Variants in DLGAP4 observed in about 807,000 individuals in gnomAD.
DLGAP4 encodes the protein disks large-associated protein 4.
Under a neutral mutation model 86.9 loss-of-function variants are expected in DLGAP4, and 18 were observed. The observed-to-expected ratio is 0.21, with a 90% CI of 0.14 to 0.31. The LOEUF (loss-of-function observed/expected upper bound fraction) is 0.31, where lower values mean the gene tolerates loss of function less well. DLGAP4 is among the 10% of genes least tolerant of loss of function. The probability of loss-of-function intolerance (pLI) is 1.00; values close to 1 mark genes in which losing one functional copy is unlikely to be tolerated. For missense variants in DLGAP4, 1,085 were observed against 1,362.6 expected (o/e 0.80, Z 3.21); for synonymous variants, 548 against 574.3 (o/e 0.95, Z 0.65).
chr20:36,480,829 G>T (rs749890030), intron 7 of DLGAP4, among the ~76,000 whole-genome samples: 3 of 152,102 alleles, frequency 2.0e-5, no homozygotes, highest in Admixed American at 6.6e-5. Flanking sequence ...AACATAGTGA[G>T]ACCTCATCTC....
intron 1 of DLGAP4, among the ~76,000 whole-genome samples, chr20:36,361,978 CAAAAAAAAA>C (rs545997891): frequency 2.1e-5 from 1 of 48,420 alleles, no homozygotes; most frequent in Non-Finnish European, 4.2e-5. Flanking sequence ...GATTCTGTCT[CAAAAAAAAA>C]AAAAAAAAAA....
At chr20:36,469,108 G>A (rs1005191502) in intron 7 of DLGAP4, among the ~76,000 whole-genome samples, 6 of 152,184 alleles carry the variant, frequency 3.9e-5, no homozygotes, top group African/African-American at 1.4e-4. Flanking sequence ...GAGGTTCACT[G>A]GTAGAAAGAG....
intron 2 of DLGAP4, among the ~76,000 whole-genome samples, chr20:36,400,735 G>A (rs868129993): frequency 6.6e-6 from 1 of 151,486 alleles, no homozygotes. Flanking sequence ...TATACTTTAG[G>A]AAGATCTTTC....
intron 1 of DLGAP4, among the ~76,000 whole-genome samples, chr20:36,360,462 C>A (rs2030479374): frequency 6.6e-6 from 1 of 152,216 alleles, no homozygotes; most frequent in Admixed American, 6.5e-5. Flanking sequence ...CCTCCAGCCT[C>A]TGCAGACTCC....
chr20:36,401,364 G>A (rs888523367), intron 2 of DLGAP4, among the ~76,000 whole-genome samples: 5 of 152,178 alleles, frequency 3.3e-5, no homozygotes, highest in Admixed American at 2.0e-4. Flanking sequence ...CCTCCCTGGC[G>A]GGTCCAGACA....
rs1344047058 is a variant in DLGAP4, at chr20:36,445,460, C to T, written c.1408-1237C>T. ...CGGAGGTTGCAGTGAGCCGAGATCG[C>T]GCCACTGCACTTCAGCCTGGGAGAC... On this transcript the variant is annotated intron_variant, in intron 6 of 12. Transcript: ENST00000339266. Among the ~76,000 whole-genome samples the T allele has an allele frequency of 7.9e-5, 12 of 152,114 alleles. No individual in the cohort carries two copies. The East Asian group carries it at 1.4e-3, about 17-fold the overall frequency.
intron 5 of DLGAP4, among the ~76,000 whole-genome samples, chr20:36,441,338 G>A (rs6095200): frequency 0.051 from 7,821 of 152,098 alleles, 698 homozygotes; most frequent in African/African-American, 0.18. Context: ...CTCTTCCAGG[G>A]GCTCTCTTCT....
chr20:36,470,527 C>T, intron 7 of DLGAP4, among the ~76,000 whole-genome samples: 1 of 148,992 alleles, frequency 6.7e-6, no homozygotes, highest in Non-Finnish European at 1.5e-5. Context: ...TATATTTTTA[C>T]TGAAAAAGCA....
chr20:36,522,734 T>A (rs1223055477), intron 10 of DLGAP4, among the ~76,000 whole-genome samples: 1 of 152,164 alleles, frequency 6.6e-6, no homozygotes, highest in Non-Finnish European at 1.5e-5. Context: ...GCCAGACTGG[T>A]CTCGAATTCC....
At chr20:36,464,762 A>G (rs1278707031) in intron 7 of DLGAP4, among the ~76,000 whole-genome samples, 2 of 152,178 alleles carry the variant, frequency 1.3e-5, no homozygotes, top group African/African-American at 4.8e-5. Flanking sequence ...ACGCAGGAGA[A>G]TCATTTGAAC....
At chr20:36,412,256 C>T (rs2032520625) in intron 2 of DLGAP4, among the ~76,000 whole-genome samples, 1 of 152,256 alleles carries the variant, frequency 6.6e-6, no homozygotes, top group African/African-American at 2.4e-5. Context: ...AGGTGGCCTC[C>T]AGAATCCGCC....
At chr20:36,433,714 C>G (rs941735463) in intron 3 of DLGAP4, among the ~76,000 whole-genome samples, 1 of 151,704 alleles carries the variant, frequency 6.6e-6, no homozygotes, top group African/African-American at 2.4e-5. Context: ...TGCAGTGGCG[C>G]GATCTCGGCT....
chr20:36,328,479 T>G (rs544325813), intron 1 of DLGAP4, among the ~76,000 whole-genome samples: 1 of 151,982 alleles, frequency 6.6e-6, no homozygotes, highest in South Asian at 2.1e-4. Context: ...GGCAGGTTTT[T>G]TTTTTTTTTT....
chr20:36,463,790 G>A (rs758974654), intron 7 of DLGAP4, among the ~76,000 whole-genome samples: 80 of 152,296 alleles, frequency 5.3e-4, no homozygotes, highest in Admixed American at 1.2e-3. Context: ...GACCTCAGCC[G>A]AGAGAGGTTC....
Position 36,432,268 on chromosome 20 carries a change from G to A in DLGAP4, c.551G>A (p.Ser184Asn). 1 of 1,613,782 alleles carries A rather than the reference G, an allele frequency of 6.2e-7. No homozygotes were observed. The highest frequency in any genetic ancestry group is 8.5e-7 in the Non-Finnish European group (1 of 1,179,872). ...GACGGCAAGGGCCGGAGGGCCAAAA[G>A]CAAGGAGCGGGCCAAGGCTGGGGAG... Reference protein sequence around the residue: ...MEDGKGRRAKSKERAKAGEPK... With the variant: ...MEDGKGRRAKNKERAKAGEPK... The change falls in exon 3 of 13, where the codon AGC becomes AAC. Residue 184 changes from serine (S) to asparagine (N), a missense_variant. By Grantham distance (46) the Ser-to-Asn change is conservative. Transcript: ENST00000339266. This position sits in a 1 kb window ranked among gnomAD's most constrained non-coding sequence, Gnocchi z 6.5.
chr20:36,420,283 G>A (rs2032785493), intron 2 of DLGAP4, among the ~76,000 whole-genome samples: 3 of 152,194 alleles, frequency 2.0e-5, no homozygotes, highest in Non-Finnish European at 2.9e-5. Context: ...AGGCTGCTTC[G>A]GGCATACATC....
chr20:36,339,138 G>A (rs2065351586), intron 1 of DLGAP4, among the ~76,000 whole-genome samples: 2 of 152,186 alleles, frequency 1.3e-5, no homozygotes, highest in Admixed American at 1.3e-4. Flanking sequence ...GCCCAGGCTG[G>A]AGTGCAGTGG....
chr20:36,427,436 C>G (rs963853212), intron 2 of DLGAP4, among the ~76,000 whole-genome samples: 2 of 151,128 alleles, frequency 1.3e-5, no homozygotes, highest in African/African-American at 4.9e-5. Flanking sequence ...TGAGACCACA[C>G]CATTGCACTC....
chr20:36,483,003 C>T (rs1221450534), intron 7 of DLGAP4, among the ~76,000 whole-genome samples: 1 of 152,138 alleles, frequency 6.6e-6, no homozygotes, highest in Non-Finnish European at 1.5e-5. Context: ...ACAACAAGAT[C>T]GTGATTTAGT....
Sources: gnomAD v4.1 joint callset for allele counts (sites outside exome capture counted in the v4.1 genomes callset) on GRCh38, gnomAD v4.1.1 for gene constraint, Gnocchi (gnomAD v3.1) non-coding constraint, MANE v1.5 for transcripts, NCBI Gene and HGNC (gene_info 2026-07-23, HGNC 2026-07-21) for gene names.